COPS7A: variants seen among roughly 807,000 people sequenced by gnomAD.
COPS7A encodes the protein COP9 signalosome complex subunit 7a.
A neutral mutation model predicts 35.2 loss-of-function variants in COPS7A; 20 were observed. That is an observed-to-expected ratio of 0.57 (90% CI 0.40 to 0.83). COPS7A has a LOEUF of 0.83. COPS7A is among the 40% of genes least tolerant of loss of function. The pLI is 0.00. For missense variants in COPS7A, 247 were observed against 347.5 expected, an observed-to-expected ratio of 0.71 and a Z score of 2.30; for synonymous variants, 139 against 141.4, an observed-to-expected ratio of 0.98 and a Z score of 0.12.
In COPS7A at chr12:6,731,005, G is replaced by A; in HGVS notation, c.794G>A (p.Arg265Gln). 3.1e-6 allele frequency: 5 copies of A among 1,613,670 alleles called. No homozygotes were observed. The highest frequency in any genetic ancestry group is 1.1e-5 in the South Asian group (1 of 91,066). ...SKKASKGKGL[R>Q]GSAKIWSKSN Reference sequence around the variant, plus strand: ...CTCTCTCTTCTCCTTGCCAGGCTCCGAGGGAGCGCCAAGATTTGGTCCAAG... The same window carrying A: ...CTCTCTCTTCTCCTTGCCAGGCTCCAAGGGAGCGCCAAGATTTGGTCCAAG... Residue 265 changes from arginine to glutamine, a missense_variant, in exon 8 of 8, where the codon CGA becomes CAA. Coordinates refer to ENST00000543155, the MANE Select transcript of COPS7A (RefSeq NM_001164094.2).
chr12:6,725,983 G>T, intron 2 of COPS7A: 1 of 449,238 alleles, frequency 2.2e-6, no homozygotes, highest in South Asian at 1.6e-5. Context: ...CTGAGGGCAG[G>T]AGGTGAAACC....
chr12:6,729,149 C>A lies in COPS7A; in HGVS notation c.328-98C>A. The A allele has an allele frequency of 8.5e-7, 1 of 1,169,756 alleles. No individual in the cohort carries two copies. The highest frequency in any genetic ancestry group is 1.3e-6 in the Non-Finnish European group (1 of 788,452). The allele number at this position is 1,169,756 out of a possible 1,614,324, so 72.5% of individuals were successfully genotyped here. A position where few individuals can be genotyped will look rare whatever the true frequency, so the allele number is the denominator to read the frequency against. On this transcript the variant is annotated intron_variant, in intron 4 of 7. Transcript: ENST00000543155. This position sits in a 1 kb window ranked among gnomAD's most constrained non-coding sequence, Gnocchi z 4.2. ...GTGATTTAGGAATGGGAGTGGAGGG[C>A]AGGTGGGCTAGGGCAGGGGGAAAAG...
In COPS7A at chr12:6,729,928, A is replaced by G. The variant is rs563189367; in HGVS notation, c.531-474A>G. On this transcript the variant is annotated intron_variant, in intron 5 of 7. Coordinates refer to ENST00000543155, the MANE Select transcript of COPS7A (RefSeq NM_001164094.2). This position sits in a 1 kb window ranked among gnomAD's most constrained non-coding sequence, Gnocchi z 4.2. ...TGCTCATCACTCCAGGCGCTTCCTTATCCCTCTCTGACCACACCGAGTGTC... is the reference window on the plus strand; with the variant it reads ...TGCTCATCACTCCAGGCGCTTCCTTGTCCCTCTCTGACCACACCGAGTGTC... 2.6e-5 allele frequency among the ~76,000 whole-genome samples: 4 copies of G among 152,142 alleles called. No homozygotes were observed. In the South Asian group the frequency reaches 8.3e-4, roughly 32 times the overall value.
chr12:6,730,723 A>G lies in COPS7A; in HGVS notation c.691A>G (p.Thr231Ala), dbSNP rs549562987. 4 of 1,614,204 alleles carry G rather than the reference A, an allele frequency of 2.5e-6. No individual in the cohort carries two copies. The highest frequency in any genetic ancestry group is 4.5e-5 in the East Asian group (2 of 44,876). ...TACGACGGCAGCAGCAGCCGCAGCC[A>G]CATCTCAGGACCCTGAGCAACACCT... ...KVTTAAAAAA[T>A]SQDPEQHLTE... Residue 231 changes from threonine to alanine, a missense_variant, in exon 7 of 8, where the codon ACA becomes GCA. Transcript: ENST00000543155.
intron 4 of COPS7A, 60 bp downstream of exon 4, chr12:6,728,371 C>A (rs1414722886): frequency 7.0e-7 from 1 of 1,426,868 alleles, no homozygotes; most frequent in Non-Finnish European, 9.9e-7. Context: ...CCTTGGGAGT[C>A]CACACTAGGA....
chr12:6,724,982 C>T (rs1257930171), intron 2 of COPS7A, among the ~76,000 whole-genome samples, 164 bp downstream of exon 2: 1 of 152,082 alleles, frequency 6.6e-6, no homozygotes, highest in African/African-American at 2.4e-5. Flanking sequence ...ACAAGCAAAC[C>T]AGCTCTCCTT....
chr12:6,726,643 CATGT>C (rs1164803221), intron 2 of COPS7A, among the ~76,000 whole-genome samples: 3 of 149,684 alleles, frequency 2.0e-5, no homozygotes, highest in Non-Finnish European at 3.0e-5. Flanking sequence ...AACAAAAGCT[CATGT>C]ATCCCAGAAC....
intron 2 of COPS7A, among the ~76,000 whole-genome samples, chr12:6,726,110 G>A (rs1009439120): frequency 4.6e-5 from 7 of 151,206 alleles, no homozygotes; most frequent in Non-Finnish European, 8.8e-5. Flanking sequence ...GTCAGGAGAT[G>A]GAGACCATCC....
In COPS7A at chr12:6,731,377, G is replaced by A. The variant is rs1941392847; in HGVS notation, c.*338G>A. On this transcript the variant is annotated 3_prime_UTR_variant, in exon 8 of 8. Transcript: ENST00000543155. ...GCCCTGATGGGGGTCGCTCTGTCTG[G>A]AGCATAACCCACAGGCGTTTTTTCT... 7.6e-7 allele frequency: 1 copy of A among 1,323,738 alleles called. No individual in the cohort carries two copies. The highest frequency in any genetic ancestry group is 3.2e-5 in the Admixed American group (1 of 30,880). The allele number at this position is 1,323,738 out of a possible 1,614,324, so 82.0% of individuals were successfully genotyped here.
chr12:6,728,904 T>C (rs1941321491), intron 4 of COPS7A: 1 of 343,104 alleles, frequency 2.9e-6, no homozygotes, highest in Non-Finnish European at 5.6e-6. Context: ...CTTACTCCCC[T>C]GTATCAAGCT....
chr12:6,724,753 C>G lies in COPS7A; in HGVS notation c.97C>G (p.Gln33Glu). 6.2e-7 allele frequency: 1 copy of G among 1,614,200 alleles called. No homozygotes were observed. Among genetic ancestry groups the G allele is most frequent in the Non-Finnish European group, 8.5e-7 (1 of 1,180,028 alleles). Residue 33 changes from glutamine to glutamate, a missense_variant, in exon 2 of 8, where the codon CAG becomes GAG. By Grantham distance (29) the Gln-to-Glu change is conservative. Transcript: ENST00000543155. Reference sequence around the variant, plus strand: ...GGCAGCGCTGGCCACACTCATCCATCAGGTGCTGGAGGCCCCTGGTGTCTA... The same window carrying G: ...GGCAGCGCTGGCCACACTCATCCATGAGGTGCTGGAGGCCCCTGGTGTCTA... ...KGAALATLIH[Q>E]VLEAPGVYVF... is the part of the protein sequence containing the mutation.
chr12:6,730,470 AG>A lies in COPS7A; in HGVS notation c.600del (p.Glu200AspfsTer6). On this transcript the variant is annotated frameshift_variant, in exon 6 of 8. Coordinates refer to ENST00000543155, the MANE Select transcript of COPS7A (RefSeq NM_001164094.2). LOFTEE classifies it high-confidence loss of function. The part of the protein sequence containing the change: ...EQVSRANQHK[E>X]QQLGLKQQIE... Reference sequence around the variant, plus strand: ...GTGAGCCGTGCCAACCAACACAAGGAGCAGCAGCTGGGCCTGAAGCAGCAGA... The same window carrying A: ...GTGAGCCGTGCCAACCAACACAAGGACAGCAGCTGGGCCTGAAGCAGCAGA... The A allele has an allele frequency of 1.2e-6, 2 of 1,614,100 alleles. No homozygotes were observed. The highest frequency in any genetic ancestry group is 1.7e-6 in the Non-Finnish European group (2 of 1,180,012).
Position 6,729,601 on chromosome 12 carries a change from A to G in COPS7A, c.530+152A>G. 3.6e-6 allele frequency: 3 copies of G among 823,762 alleles called. No individual in the cohort carries two copies. Among genetic ancestry groups the G allele is most frequent in the Non-Finnish European group, 5.6e-6 (3 of 534,260 alleles). 51.0% of individuals were successfully genotyped at this position (823,762 alleles called of 1,614,324 possible). On this transcript the variant is annotated intron_variant, in intron 5 of 7. Transcript: ENST00000543155. The surrounding 1 kb of genome is among the most constrained non-coding windows in gnomAD (Gnocchi z 4.2). Reference sequence around the variant, plus strand: ...TTCATCCCTCCAAAGGCTTCTGGGGAATGCAGGAGTAGGGGAGGCCCTGGG... The same window carrying G: ...TTCATCCCTCCAAAGGCTTCTGGGGGATGCAGGAGTAGGGGAGGCCCTGGG...
Position 6,728,244 on chromosome 12 carries a change from CACT to C in COPS7A, c.262_264del (p.Leu88del). 6.2e-7 allele frequency: 1 copy of C among 1,614,134 alleles called. No individual in the cohort carries two copies. Among genetic ancestry groups the C allele is most frequent in the Non-Finnish European group, 8.5e-7 (1 of 1,180,012 alleles). On this transcript the variant is annotated inframe_deletion, in exon 4 of 8. Transcript: ENST00000543155. ...CTAGCTGAAGCCCGGAATCTTCCTC[CACT>C]AACAGAGGCTCAGAAGAATAAGCTT...
chr12:6,724,241 G>A, intron 1 of COPS7A, 62 bp downstream of exon 1: 1 of 320,080 alleles, frequency 3.1e-6, no homozygotes, highest in Non-Finnish European at 6.2e-6. Context: ...GGGAGGGGGC[G>A]GAGCCACGTG....
intron 7 of COPS7A, 36 bp downstream of exon 7, chr12:6,730,856 G>A: frequency 6.2e-7 from 1 of 1,611,328 alleles, no homozygotes; most frequent in Non-Finnish European, 8.5e-7. Context: ...CACTTGCAGG[G>A]TGCCCTGCTT....
At position 6,730,809 on chromosome 12, in the gene COPS7A, A is replaced by T; in HGVS notation, c.777A>T (p.Ser259=). The change falls in exon 7 of 8, where the codon TCA becomes TCT. Residue 259 remains serine, a synonymous_variant. Transcript: ENST00000543155. Reference sequence around the variant, plus strand: ...AGCGCCAGCCCAGCAAGAAAGCCTCAAAGGGCAAGGGGTGAGCCAGGGTAG... The same window carrying T: ...AGCGCCAGCCCAGCAAGAAAGCCTCTAAGGGCAAGGGGTGAGCCAGGGTAG... ...TNQRQPSKKA[S]KGKGLRGSAK... is the part of the protein sequence containing the mutation. 1 of 1,613,884 alleles carries T rather than the reference A, an allele frequency of 6.2e-7. No individual in the cohort carries two copies.
chr12:6,729,357 C>A lies in COPS7A; in HGVS notation c.438C>A (p.Asp146Glu). The change falls in exon 5 of 8, where the codon GAC (aspartate) becomes GAA (glutamate). Residue 146 changes from aspartate (D) to glutamate (E), a missense_variant. By Grantham distance (45) the Asp-to-Glu change is conservative (BLOSUM62 2). Transcript: ENST00000543155. This position sits in a 1 kb window ranked among gnomAD's most constrained non-coding sequence, Gnocchi z 4.2. ...CTGACGTGCTTCGTGGCTCCCTGGA[C>A]CAGCGCAACCAGCGGCTCGAGGTTG... is the stretch of plus-strand genomic sequence containing the variant. The part of the protein sequence containing the change: ...VYADVLRGSL[D>E]QRNQRLEVDY... The A allele has an allele frequency of 6.2e-7, 1 of 1,614,156 alleles. No homozygotes were observed. The highest frequency in any genetic ancestry group is 8.5e-7 in the Non-Finnish European group (1 of 1,180,032).
chr12:6,730,036 G>T (rs1411314191), intron 5 of COPS7A, among the ~76,000 whole-genome samples: 1 of 152,152 alleles, frequency 6.6e-6, no homozygotes, highest in Non-Finnish European at 1.5e-5. Context: ...AATGCCAGAA[G>T]CTGTGTTCTG....
Sources: gnomAD v4.1 joint callset for allele counts (sites outside exome capture counted in the v4.1 genomes callset) on GRCh38, gnomAD v4.1.1 for gene constraint, Gnocchi (gnomAD v3.1) non-coding constraint, MANE v1.5 for transcripts, NCBI Gene and HGNC (gene_info 2026-07-23, HGNC 2026-07-21) for gene names.